Variants in MYOC observed in about 807,000 individuals in gnomAD.
MYOC encodes juvenile-onset open-angle glaucoma 1.
In MYOC, 29 loss-of-function variants were observed where a neutral mutation model predicts 28.2. The observed-to-expected ratio is 1.03, with a 90% CI of 0.77 to 1.40. The LOEUF (loss-of-function observed/expected upper bound fraction) is 1.40, where lower values mean the gene tolerates loss of function less well. MYOC is among the 40% of genes most tolerant of loss of function. MYOC has a pLI of 0.00. For synonymous variants in MYOC, 240 were observed against 245.6 expected (o/e 0.98, Z 0.21); for missense variants, 569 against 620.6 (o/e 0.92, Z 0.88).
chr1:171,652,657 A>T lies in MYOC; in HGVS notation c.-46T>A. 6.2e-7 allele frequency: 1 copy of T among 1,612,058 alleles called. No individual in the cohort carries two copies. The highest frequency in any genetic ancestry group is 1.7e-5 in the Admixed American group (1 of 59,934). ...TCCTCTGGAAAGCTCTGCTGTGCTG[A>T]GAGGTGCCTGGATGGGTGGCCTTGC... On this transcript the variant is annotated 5_prime_UTR_variant, in exon 1 of 3. Transcript: ENST00000037502.
At position 171,636,104 on chromosome 1, in the gene MYOC, C is replaced by A. The variant is rs142680834; in HGVS notation, c.1336G>T (p.Asp446Tyr). The change falls in exon 3 of 3, where the codon GAT (aspartate) becomes TAT (tyrosine). Residue 446 changes from aspartate to tyrosine, a missense_variant. Transcript: ENST00000037502. ...LYTVSSYTSA[D>Y]ATVNFAYDTG... ...TCATAAGCAAAGTTGACGGTAGCATCTGCTGAGGTGTAGCTGCTGACGGTG... is the reference window on the plus strand; with the variant it reads ...TCATAAGCAAAGTTGACGGTAGCATATGCTGAGGTGTAGCTGCTGACGGTG... 30 of 1,614,078 alleles carry A rather than the reference C, an allele frequency of 1.9e-5. No homozygotes were observed. In the African/African-American group the frequency reaches 3.6e-4, roughly 19 times the overall value.
chr1:171,638,118 G>A (rs1383818652), intron 2 of MYOC, among the ~76,000 whole-genome samples: 2 of 152,130 alleles, frequency 1.3e-5, no homozygotes, highest in Admixed American at 1.3e-4. Context: ...GGACTTTCAG[G>A]GAACACTTTG....
chr1:171,649,845 C>T (rs1275838038), intron 1 of MYOC, among the ~76,000 whole-genome samples: 8 of 152,146 alleles, frequency 5.3e-5, no homozygotes, highest in African/African-American at 1.2e-4. Context: ...GGCCAGAATT[C>T]GAGCTTTGCC....
At chr1:171,637,245 T>A (rs1652945852) in intron 2 of MYOC, among the ~76,000 whole-genome samples, 1 of 152,220 alleles carries the variant, frequency 6.6e-6, no homozygotes, top group Non-Finnish European at 1.5e-5. Flanking sequence ...CATGCCTGGT[T>A]TATTTCATTA....
At position 171,636,177 on chromosome 1, in the gene MYOC, G is replaced by T. The variant is rs1324772961; in HGVS notation, c.1263C>A (p.Ile421=). ...LELEQTWETN[I]RKQSVANAFI... is the part of the protein sequence containing the mutation. ...AGGCATTGGCGACTGACTGCTTACGGATGTTTGTCTCCCAGGTTTGTTCGA... is the reference window on the plus strand; with the variant it reads ...AGGCATTGGCGACTGACTGCTTACGTATGTTTGTCTCCCAGGTTTGTTCGA... The change falls in exon 3 of 3, where the codon ATC becomes ATA. Residue 421 remains isoleucine, a synonymous_variant. Coordinates refer to ENST00000037502, the MANE Select transcript of MYOC (RefSeq NM_000261.2). 3 of 1,614,156 alleles carry T rather than the reference G, an allele frequency of 1.9e-6. No individual in the cohort carries two copies. The highest frequency in any genetic ancestry group is 2.5e-6 in the Non-Finnish European group (3 of 1,180,028).
chr1:171,651,987 C>A (rs530807298), intron 1 of MYOC, 21 bp downstream of exon 1: 45 of 1,613,978 alleles, frequency 2.8e-5, no homozygotes, highest in Admixed American at 1.2e-4. Flanking sequence ...AACTCAGAGT[C>A]CCCCCACTCT....
At position 171,635,743 on chromosome 1, in the gene MYOC, G is replaced by T. The variant is rs886045563; in HGVS notation, c.*182C>A. On this transcript the variant is annotated 3_prime_UTR_variant, in exon 3 of 3. Coordinates refer to ENST00000037502, the MANE Select transcript of MYOC (RefSeq NM_000261.2). Reference sequence around the variant, plus strand: ...ATATTTATTATATGAAATTGTCTACGCCCTCAGACTACAATTCCTGAATAG... The same window carrying T: ...ATATTTATTATATGAAATTGTCTACTCCCTCAGACTACAATTCCTGAATAG... 13 of 634,644 alleles carry T rather than the reference G, an allele frequency of 2.0e-5. No homozygotes were observed. The highest frequency in any genetic ancestry group is 3.7e-5 in the African/African-American group (2 of 54,454). 39.3% of individuals were successfully genotyped at this position (634,644 alleles called of 1,614,324 possible).
At chr1:171,649,500 A>G (rs1435149993) in intron 1 of MYOC, among the ~76,000 whole-genome samples, 2 of 152,138 alleles carry the variant, frequency 1.3e-5, no homozygotes, top group Non-Finnish European at 2.9e-5. Flanking sequence ...TTGAAAGTCA[A>G]TGAACCTCAT....
chr1:171,646,895 G>A (rs375696951), intron 1 of MYOC, among the ~76,000 whole-genome samples: 9 of 152,122 alleles, frequency 5.9e-5, no homozygotes, highest in African/African-American at 9.7e-5. Flanking sequence ...GTTCTCTGCC[G>A]TCGCTTCTTT....
intron 1 of MYOC, among the ~76,000 whole-genome samples, chr1:171,646,814 T>A (rs562988873): frequency 1.1e-3 from 173 of 152,300 alleles, no homozygotes; most frequent in Non-Finnish European, 1.8e-3. Flanking sequence ...CTAGGTTTTT[T>A]AAAATGTTAA....
intron 2 of MYOC, among the ~76,000 whole-genome samples, 176 bp from the exon 3 acceptor site, chr1:171,636,885 C>T (rs1289382928): frequency 6.6e-6 from 1 of 152,182 alleles, no homozygotes; most frequent in Non-Finnish European, 1.5e-5. Flanking sequence ...CAGTAAGTTA[C>T]TTAGCTCTCT....
chr1:171,635,629 C>G lies in MYOC; in HGVS notation c.*296G>C. ...AAGAGCAATGGTTTTCAGGAAGAAACTATTATGCCTTACAGCTTTTGCCCC... is the reference window on the plus strand; with the variant it reads ...AAGAGCAATGGTTTTCAGGAAGAAAGTATTATGCCTTACAGCTTTTGCCCC... On this transcript the variant is annotated 3_prime_UTR_variant, in exon 3 of 3. Transcript: ENST00000037502. 2.0e-6 allele frequency: 1 copy of G among 492,604 alleles called. No homozygotes were observed. Among genetic ancestry groups the G allele is most frequent in the East Asian group, 3.5e-5 (1 of 28,218 alleles). The allele number at this position is 492,604 out of a possible 1,614,324, so 30.5% of individuals were successfully genotyped here. A position where few individuals can be genotyped will look rare whatever the true frequency, so the allele number is the denominator to read the frequency against.
chr1:171,651,351 C>A (rs1225244568), intron 1 of MYOC, among the ~76,000 whole-genome samples: 1 of 148,724 alleles, frequency 6.7e-6, no homozygotes, highest in Non-Finnish European at 1.5e-5. Flanking sequence ...GCACCCCCCC[C>A]ACACACACAC....
At chr1:171,645,188 T>C (rs1202473639) in intron 1 of MYOC, among the ~76,000 whole-genome samples, 2 of 152,204 alleles carry the variant, frequency 1.3e-5, no homozygotes, top group African/African-American at 2.4e-5. Context: ...AGGACATTTG[T>C]TGGAGTCCTA....
At chr1:171,641,301 G>C (rs543263650) in intron 1 of MYOC, among the ~76,000 whole-genome samples, 1 of 152,332 alleles carries the variant, frequency 6.6e-6, no homozygotes, top group Admixed American at 6.5e-5. Context: ...GGAAGCACCA[G>C]GGTTGCTCCA....
At chr1:171,642,613 T>TAA (rs34213125) in intron 1 of MYOC, among the ~76,000 whole-genome samples, 340 of 141,802 alleles carry the variant, frequency 2.4e-3, no homozygotes, top group African/African-American at 7.1e-3. Context: ...GACCCTGTCT[T>TAA]AAAAAAAAAA....
chr1:171,638,060 A>T (rs192846024), intron 2 of MYOC, among the ~76,000 whole-genome samples: 2 of 152,350 alleles, frequency 1.3e-5, no homozygotes, highest in Admixed American at 1.3e-4. Flanking sequence ...ATTGTCAATA[A>T]CATGGATAGT....
chr1:171,642,710 T>A (rs235870), intron 1 of MYOC, among the ~76,000 whole-genome samples: 88,315 of 151,630 alleles, frequency 0.58, 25,944 homozygotes, highest in East Asian at 0.75. Flanking sequence ...CAGGGGCAAT[T>A]GGGAGTACCC....
At chr1:171,637,413 C>A (rs1381959249) in intron 2 of MYOC, among the ~76,000 whole-genome samples, 1 of 152,148 alleles carries the variant, frequency 6.6e-6, no homozygotes, top group Non-Finnish European at 1.5e-5. Context: ...GTTACCTAGG[C>A]TGGAGTGCAG....
Sources: allele counts gnomAD v4.1 joint callset (sites outside exome capture counted in the v4.1 genomes callset), GRCh38; gene constraint gnomAD v4.1.1; transcripts MANE v1.5; gene names NCBI Gene and HGNC (gene_info 2026-07-23, HGNC 2026-07-21).